Variants in SEC31A observed in about 807,000 individuals in gnomAD.
SEC31A encodes SEC31 homolog A, COPII component.
Under a neutral mutation model 151.0 loss-of-function variants are expected in SEC31A, and 70 were observed. The ratio of observed to expected loss-of-function variants is 0.46; its 90% CI spans 0.38 to 0.57. The LOEUF (loss-of-function observed/expected upper bound fraction) is 0.57, where lower values mean the gene tolerates loss of function less well. Ranked by LOEUF, SEC31A falls within the 20% of genes least tolerant of loss-of-function variation. The probability of loss-of-function intolerance (pLI) is 0.00; values close to 1 mark genes in which losing one functional copy is unlikely to be tolerated. For missense variants in SEC31A, 1,330 were observed against 1,471.2 expected, an observed-to-expected ratio of 0.90 and a Z score of 1.57; for synonymous variants, 475 against 505.9, an observed-to-expected ratio of 0.94 and a Z score of 0.82.
At chr4:82,890,866 G>C (rs1371560998) in intron 1 of SEC31A, 48 of 1,385,272 alleles carry the variant, frequency 3.5e-5, no homozygotes, top group Non-Finnish European at 4.3e-5. Flanking sequence ...CTCAGCAGTG[G>C]AGACGTCGGC....
At chr4:82,844,210 A>T in intron 21 of SEC31A, 176 bp downstream of exon 21, 1 of 594,604 alleles carries the variant, frequency 1.7e-6, no homozygotes, top group Non-Finnish European at 2.9e-6. Context: ...ACTTCCTAGC[A>T]TAGTGATTCA....
intron 4 of SEC31A, among the ~76,000 whole-genome samples, chr4:82,876,795 C>G (rs1010321613): frequency 6.6e-6 from 1 of 152,154 alleles, no homozygotes; most frequent in East Asian, 1.9e-4. Context: ...TTTACTCTTA[C>G]AAATTATTCT....
intron 25 of SEC31A, chr4:82,821,520 G>A (rs1723324557): frequency 8.0e-6 from 1 of 124,324 alleles, no homozygotes; most frequent in Non-Finnish European, 1.6e-5. Context: ...TGCACTCCAG[G>A]CCCAGGCGAC....
At chr4:82,829,155 C>A (rs555565909) in intron 22 of SEC31A, 97 bp from the exon 23 acceptor site, 50 of 986,742 alleles carry the variant, frequency 5.1e-5, no homozygotes, top group Non-Finnish European at 7.2e-5. Context: ...TCTGCCTTAA[C>A]CCTGAAATAA....
intron 22 of SEC31A, among the ~76,000 whole-genome samples, chr4:82,838,171 A>C (rs1727878853): frequency 1.3e-5 from 2 of 152,234 alleles, no homozygotes; most frequent in Admixed American, 6.5e-5. Context: ...CAGGTGCTAC[A>C]ATTTGCCTAA....
chr4:82,836,962 A>C (rs1023769293), intron 22 of SEC31A, among the ~76,000 whole-genome samples: 1 of 151,702 alleles, frequency 6.6e-6, no homozygotes, highest in Non-Finnish European at 1.5e-5. Flanking sequence ...GAGGTGATGG[A>C]TACTCCAATA....
In SEC31A at chr4:82,819,260, C is replaced by A; in HGVS notation, c.3484-7G>T. The A allele has an allele frequency of 6.5e-7, 1 of 1,549,022 alleles. No homozygotes were observed. Among genetic ancestry groups the A allele is most frequent in the Admixed American group, 1.9e-5 (1 of 51,936 alleles). The stretch of plus-strand genomic sequence containing the variant: ...TGGTGATTGTTGGTGAAAGCTGAAA[C>A]AAAAGTGAACCAAGAGAAAGAATTA... On this transcript the variant is annotated splice_polypyrimidine_tract_variant and splice_region_variant and intron_variant, in intron 26 of 26. Transcript: ENST00000395310.
In SEC31A at chr4:82,874,725, T is replaced by C. The variant is rs752412592; in HGVS notation, c.525A>G (p.Ala175=). 5 of 1,611,000 alleles carry C rather than the reference T, an allele frequency of 3.1e-6. No homozygotes were observed. The highest frequency in any genetic ancestry group is 1.1e-5 in the South Asian group (1 of 90,242). ...TQPPEDISCI[A]WNRQVQHILA... is the part of the protein sequence containing the mutation. ...AAATATGCTGAACTTGTCTGTTCCATGCAATGCAGCTGATATCTTCTGGCG... is the reference window on the plus strand; with the variant it reads ...AAATATGCTGAACTTGTCTGTTCCACGCAATGCAGCTGATATCTTCTGGCG... Residue 175 remains alanine, a synonymous_variant, in exon 6 of 27, where the codon GCA becomes GCG. Transcript: ENST00000395310.
At chr4:82,864,647 CA>C (rs1578293796) in intron 10 of SEC31A, 49 bp from the exon 11 acceptor site, 14 of 1,497,658 alleles carry the variant, frequency 9.3e-6, no homozygotes, top group South Asian at 5.9e-5. Context: ...AGGATATGGC[CA>C]AAAAAAGTGC....
At position 82,866,894 on chromosome 4, in the gene SEC31A, G is replaced by T. The variant is rs1735523537; in HGVS notation, c.1111C>A (p.Pro371Thr). 1 of 1,614,188 alleles carries T rather than the reference G, an allele frequency of 6.2e-7. No individual in the cohort carries two copies. Among genetic ancestry groups the T allele is most frequent in the Non-Finnish European group, 8.5e-7 (1 of 1,180,020 alleles). ...TGQPLPPLQIPQQTAQHSIVL... is the reference protein window; with the variant it reads ...TGQPLPPLQITQQTAQHSIVL... ...ATACTATGCTGAGCAGTCTGCTGTG[G>T]AATTTGTAACGGAGGAAGGGGCTGT... Residue 371 changes from proline (P) to threonine (T), a missense_variant, in exon 10 of 27, where the codon CCA (proline) becomes ACA (threonine). Physicochemically the swap from Pro to Thr is conservative, Grantham distance 38. Transcript: ENST00000395310.
intron 15 of SEC31A, 86 bp from the exon 16 acceptor site, chr4:82,857,216 T>G (rs778148138): frequency 1.1e-5 from 12 of 1,129,094 alleles, no homozygotes; most frequent in Non-Finnish European, 1.5e-5. Flanking sequence ...TCAATTTTTA[T>G]ATATATACAT....
Position 82,852,586 on chromosome 4 carries a change from A to AT in SEC31A, c.2154+983dup, listed in dbSNP as rs11312804. Among the ~76,000 whole-genome samples the AT allele has an allele frequency of 2.5e-3, 383 of 151,968 alleles. 1 individual carries two copies. Among genetic ancestry groups the AT allele is most frequent in the Non-Finnish European group, 4.4e-3 (299 of 67,928 alleles). ...AAAGGAAAACCTTGATTTCCTACCCATTTTTTTTGTTTCAATAGAGTGATC... is the reference window on the plus strand; with the variant it reads ...AAAGGAAAACCTTGATTTCCTACCCATTTTTTTTTGTTTCAATAGAGTGATC... On this transcript the variant is annotated intron_variant, in intron 18 of 26. Transcript: ENST00000395310.
chr4:82,875,773 T>A lies in SEC31A; in HGVS notation c.452A>T (p.Asp151Val). 1 of 1,608,910 alleles carries A rather than the reference T, an allele frequency of 6.2e-7. No individual in the cohort carries two copies. Among genetic ancestry groups the A allele is most frequent in the Non-Finnish European group, 8.5e-7 (1 of 1,177,274 alleles). ...CATTGGGGTTGCAAAATTATTTAGA[T>A]CCCATATGTAGATTTCAGATTCATT... is the stretch of plus-strand genomic sequence containing the variant. The part of the protein sequence containing the change: ...GANESEIYIW[D>V]LNNFATPMTP... Residue 151 changes from aspartate to valine, a missense_variant, in exon 5 of 27, where the codon GAT becomes GTT. Asp to Val is a radical substitution (Grantham distance 152). Transcript: ENST00000395310.
intron 3 of SEC31A, among the ~76,000 whole-genome samples, chr4:82,879,964 T>C (rs1738904175): frequency 6.6e-6 from 1 of 152,200 alleles, no homozygotes; most frequent in South Asian, 2.1e-4. Flanking sequence ...GACTACTCCT[T>C]TTCTAGTCAC....
upstream of SEC31A, chr4:82,891,157 G>C: frequency 6.5e-7 from 1 of 1,535,542 alleles, no homozygotes; most frequent in Non-Finnish European, 8.7e-7. Context: ...AGCATTCGCC[G>C]CCGCCCCTCC....
intron 22 of SEC31A, among the ~76,000 whole-genome samples, chr4:82,830,476 A>G (rs1186578955): frequency 6.6e-6 from 1 of 152,210 alleles, no homozygotes; most frequent in Non-Finnish European, 1.5e-5. Flanking sequence ...GTAAAAAATA[A>G]AAATAAAAAA....
At chr4:82,846,366 C>CATAATAATA (rs35831381) in intron 20 of SEC31A, among the ~76,000 whole-genome samples, 46,695 of 140,198 alleles carry the variant, frequency 0.33, 8,590 homozygotes, top group Non-Finnish European at 0.41. Context: ...AACTCCAAAA[C>CATAATAATA]ATAATAATAA....
intron 7 of SEC31A, chr4:82,871,335 CACAA>C (rs749930978): frequency 6.4e-5 from 95 of 1,492,626 alleles, no homozygotes; most frequent in Admixed American, 6.1e-5. Context: ...CACACACACA[CACAA>C]GTAACGTAGG....
chr4:82,861,726 AT>A lies in SEC31A; in HGVS notation c.1549-19del. On this transcript the variant is annotated intron_variant, in intron 13 of 26. Coordinates refer to ENST00000395310, the MANE Select transcript of SEC31A (RefSeq NM_001077207.4). ...TTAAGAGCCTTTGGTACACAAAACA[AT>A]TACAGGGGAAGGTGAAGAATGTAGT... The A allele has an allele frequency of 6.4e-7, 1 of 1,556,968 alleles. No individual in the cohort carries two copies. The highest frequency in any genetic ancestry group is 8.8e-7 in the Non-Finnish European group (1 of 1,132,936).
Sources: allele counts gnomAD v4.1 joint callset (sites outside exome capture counted in the v4.1 genomes callset), GRCh38; gene constraint gnomAD v4.1.1; transcripts MANE v1.5; gene names NCBI Gene and HGNC (gene_info 2026-07-23, HGNC 2026-07-21).